Variants in IFIH1 observed in about 807,000 individuals in gnomAD.
IFIH1 encodes interferon-induced helicase C domain-containing protein 1.
In IFIH1, 125 loss-of-function variants were observed where a neutral mutation model predicts 107.4. The observed-to-expected ratio is 1.16, with a 90% CI of 1.01 to 1.35. The LOEUF is 1.35. Among genes scored for constraint, IFIH1 ranks in the 40% most tolerant of loss-of-function variants. The pLI is 0.00. For missense variants in IFIH1, 1,333 were observed against 1,213.7 expected (o/e 1.10, Z -1.46); for synonymous variants, 458 against 413.2 (o/e 1.11, Z -1.31).
chr2:162,286,042 A>G (rs1409194583), intron 5 of IFIH1, among the ~76,000 whole-genome samples: 1 of 151,954 alleles, frequency 6.6e-6, no homozygotes, highest in Non-Finnish European at 1.5e-5. Flanking sequence ...CTGCACTGGT[A>G]TGATCTTATC....
intron 10 of IFIH1, 92 bp downstream of exon 10, chr2:162,277,323 A>G (rs1488158509): frequency 2.2e-6 from 2 of 902,800 alleles, no homozygotes; most frequent in Admixed American, 2.5e-5. Context: ...CTTTCAAAAG[A>G]TATTTCTCTT....
rs35337543 is a variant in IFIH1, at chr2:162,279,995, C to T, written c.1641+1G>A. 3.3e-6 allele frequency: 5 copies of T among 1,511,812 alleles called. No homozygotes were observed. The highest frequency in any genetic ancestry group is 2.8e-6 in the Non-Finnish European group (3 of 1,087,626). 93.6% of individuals were successfully genotyped at this position (1,511,812 alleles called of 1,614,324 possible). ...ATAGATATAAAACATTAAGCCCATA[C>T]TTCTCTGGTTGCATCTGCAATGGCA... On this transcript the variant is annotated splice_donor_variant, in intron 8 of 15. Coordinates refer to ENST00000649979, the MANE Select transcript of IFIH1 (RefSeq NM_022168.4). LOFTEE classifies it high-confidence loss of function.
intron 6 of IFIH1, among the ~76,000 whole-genome samples, chr2:162,281,981 T>C (rs1682817970): frequency 6.6e-6 from 1 of 152,028 alleles, no homozygotes; most frequent in South Asian, 2.1e-4. Flanking sequence ...ACATTGCATT[T>C]AGTTATTATA....
chr2:162,311,180 AT>A (rs1049438410), intron 1 of IFIH1, among the ~76,000 whole-genome samples: 7 of 152,044 alleles, frequency 4.6e-5, no homozygotes, highest in Non-Finnish European at 5.9e-5. Context: ...AATATGAACC[AT>A]TTTTTTTAAA....
intron 1 of IFIH1, among the ~76,000 whole-genome samples, chr2:162,316,292 C>A (rs538117052): frequency 6.6e-6 from 1 of 152,284 alleles, no homozygotes; most frequent in South Asian, 2.1e-4. Flanking sequence ...GCTGGAAATG[C>A]CATCTTCCAT....
intron 1 of IFIH1, among the ~76,000 whole-genome samples, chr2:162,315,583 A>G (rs971146072): frequency 6.6e-6 from 1 of 152,218 alleles, no homozygotes; most frequent in African/African-American, 2.4e-5. Flanking sequence ...TGTTGACTAA[A>G]ATACTGTGAG....
intron 3 of IFIH1, among the ~76,000 whole-genome samples, chr2:162,301,343 A>C (rs886875674): frequency 6.6e-6 from 1 of 152,280 alleles, no homozygotes; most frequent in Non-Finnish European, 1.5e-5. Context: ...TGAAACAGTG[A>C]AATTCCATTG....
chr2:162,269,364 C>T (rs1690990199), intron 13 of IFIH1, among the ~76,000 whole-genome samples: 1 of 152,098 alleles, frequency 6.6e-6, no homozygotes. Flanking sequence ...GAATGAAAGC[C>T]CAATGCTATA....
chr2:162,308,449 G>T (rs371879081), intron 2 of IFIH1, among the ~76,000 whole-genome samples: 1 of 149,710 alleles, frequency 6.7e-6, no homozygotes, highest in Admixed American at 6.7e-5. Flanking sequence ...GCATGATCTC[G>T]GCTCACTGCA....
chr2:162,268,230 G>A lies in IFIH1; in HGVS notation c.2664C>T (p.Thr888=), dbSNP rs756574133. 2 of 1,611,994 alleles carry A rather than the reference G, an allele frequency of 1.2e-6. No homozygotes were observed. Among genetic ancestry groups the A allele is most frequent in the East Asian group, 4.5e-5 (2 of 44,808 alleles). The change falls in exon 14 of 16, where the codon ACC becomes ACT. Residue 888 remains threonine, a synonymous_variant. Coordinates refer to ENST00000649979, the MANE Select transcript of IFIH1 (RefSeq NM_022168.4). ...TGTAATGCTTGGCAATATTTCTCTT[G>A]GTTTTCATTTTCTTTTCCATTATAC... The part of the protein sequence containing the change: ...MQSIMEKKMK[T]KRNIAKHYKN...
intron 3 of IFIH1, among the ~76,000 whole-genome samples, chr2:162,304,252 G>C (rs1344364412): frequency 6.6e-6 from 1 of 152,140 alleles, no homozygotes; most frequent in East Asian, 1.9e-4. Context: ...TTGAGCCCAG[G>C]AGTTTCCAGA....
chr2:162,312,838 C>A (rs1010861590), intron 1 of IFIH1, among the ~76,000 whole-genome samples: 1 of 152,112 alleles, frequency 6.6e-6, no homozygotes, highest in African/African-American at 2.4e-5. Flanking sequence ...TATTTTATTA[C>A]CCCATCCTTT....
intron 3 of IFIH1, among the ~76,000 whole-genome samples, chr2:162,306,227 A>T (rs1243392178): frequency 6.6e-6 from 1 of 152,204 alleles, no homozygotes; most frequent in Non-Finnish European, 1.5e-5. Context: ...TAGTTAATGC[A>T]ATTCAAGCCA....
intron 3 of IFIH1, among the ~76,000 whole-genome samples, chr2:162,301,332 C>T (rs527787696): frequency 6.6e-6 from 1 of 152,292 alleles, no homozygotes; most frequent in African/African-American, 2.4e-5. Context: ...ATCTTTCACG[C>T]TGAAACAGTG....
chr2:162,272,228 T>TATGAGC lies in IFIH1; in HGVS notation c.2608_2613dup (p.Ala870_His871dup), dbSNP rs1691053462. ...AATTCAGAGGTGACCAACAATACCT[T>TATGAGC]ATGAGCATACTCCTCTGGTTTCATA... On this transcript the variant is annotated inframe_insertion, in exon 13 of 16. Transcript: ENST00000649979. 1 of 1,610,348 alleles carries TATGAGC rather than the reference T, an allele frequency of 6.2e-7. No homozygotes were observed. Among genetic ancestry groups the TATGAGC allele is most frequent in the Non-Finnish European group, 8.5e-7 (1 of 1,177,902 alleles).
At chr2:162,269,501 G>A (rs1690992550) in intron 13 of IFIH1, among the ~76,000 whole-genome samples, 1 of 152,084 alleles carries the variant, frequency 6.6e-6, no homozygotes, top group Non-Finnish European at 1.5e-5. Flanking sequence ...ACTAGCAGCA[G>A]CACTTATTTT....
At chr2:162,316,616 TTGTA>T (rs1683491472) in intron 1 of IFIH1, among the ~76,000 whole-genome samples, 2 of 152,046 alleles carry the variant, frequency 1.3e-5, no homozygotes, top group Non-Finnish European at 1.5e-5. Flanking sequence ...GCCCAGAAGT[TTGTA>T]TGAATATACA....
intron 9 of IFIH1, 62 bp from the exon 10 acceptor site, chr2:162,277,755 A>G (rs1288541662): frequency 5.3e-6 from 8 of 1,517,324 alleles, no homozygotes; most frequent in Non-Finnish European, 7.0e-6. Context: ...AAATTGTGCC[A>G]TGGACTTGAA....
At position 162,288,282 on chromosome 2, in the gene IFIH1, G is replaced by T. The variant is rs2105209065; in HGVS notation, c.948C>A (p.Ala316=). ...TATTCTTCCCTTCCAAGGCTGGCTG[G>T]GCAACTTCCATTTGGTAAGGCCTGA... ...LQLRPYQMEV[A]QPALEGKNII... is the part of the protein sequence containing the mutation. Residue 316 remains alanine, a synonymous_variant, in exon 5 of 16, where the codon GCC becomes GCA. Transcript: ENST00000649979. 1 of 1,612,786 alleles carries T rather than the reference G, an allele frequency of 6.2e-7. No individual in the cohort carries two copies. Among genetic ancestry groups the T allele is most frequent in the Non-Finnish European group, 8.5e-7 (1 of 1,179,262 alleles).
Sources: allele counts gnomAD v4.1 joint callset (sites outside exome capture counted in the v4.1 genomes callset), GRCh38; gene constraint gnomAD v4.1.1; transcripts MANE v1.5; gene names NCBI Gene and HGNC (gene_info 2026-07-23, HGNC 2026-07-21).